BRAF: variants seen among roughly 807,000 people sequenced by gnomAD.
The protein encoded by BRAF is serine/threonine-protein kinase B-raf.
A neutral mutation model predicts 104.6 loss-of-function variants in BRAF; 16 were observed. That is an observed-to-expected ratio of 0.15 (90% CI 0.10 to 0.23). The LOEUF (loss-of-function observed/expected upper bound fraction) is 0.23, where lower values mean the gene tolerates loss of function less well. Among genes scored for constraint, BRAF ranks in the 10% least tolerant of loss-of-function variants. The probability of loss-of-function intolerance (pLI) is 1.00; values close to 1 mark genes in which losing one functional copy is unlikely to be tolerated. For synonymous variants in BRAF, 310 were observed against 341.6 expected (o/e 0.91, Z 1.02); for missense variants, 541 against 937.3 (o/e 0.58, Z 5.52).
chr7:140,752,133 C>T (rs1359860123), intron 16 of BRAF, among the ~76,000 whole-genome samples: 1 of 152,116 alleles, frequency 6.6e-6, no homozygotes, highest in Non-Finnish European at 1.5e-5. Flanking sequence ...TAACACAGAT[C>T]ATTCATTTTT....
Position 140,781,611 on chromosome 7 carries a change from C to A in BRAF, c.1517G>T (p.Gly506Val), listed in dbSNP as rs121913351. ...TCCCTTGTAGACTGTTCCAAATGAT[C>A]CAGATCCAATTCTTTGTCCCACTGT... ...QITVGQRIGS[G>V]SFGTVYKGKW... is the part of the protein sequence containing the mutation. Residue 506 changes from glycine (G) to valine (V), a missense_variant, in exon 12 of 20, where the codon GGA becomes GTA. Coordinates refer to ENST00000644969, the MANE Select transcript of BRAF (RefSeq NM_001374258.1). 1 of 1,614,062 alleles carries A rather than the reference C, an allele frequency of 6.2e-7. No individual in the cohort carries two copies.
chr7:140,779,255 C>G (rs926152402), intron 12 of BRAF, among the ~76,000 whole-genome samples: 5 of 152,060 alleles, frequency 3.3e-5, no homozygotes, highest in Admixed American at 6.6e-5. Context: ...TTTTTAGAGA[C>G]AGAGTCTTGC....
intron 14 of BRAF, among the ~76,000 whole-genome samples, chr7:140,760,129 C>T (rs1798550316): frequency 6.6e-6 from 1 of 152,016 alleles, no homozygotes; most frequent in Admixed American, 6.6e-5. Context: ...ACGCTGTTTC[C>T]TGGCTAGGCA....
chr7:140,777,903 T>C, intron 13 of BRAF, 88 bp downstream of exon 12: 3 of 1,255,548 alleles, frequency 2.4e-6, no homozygotes, highest in Non-Finnish European at 3.4e-6. Context: ...TGAGTAAATC[T>C]GTAAAGCTAA....
At chr7:140,869,678 C>T (rs1043548870) in intron 1 of BRAF, among the ~76,000 whole-genome samples, 5 of 151,846 alleles carry the variant, frequency 3.3e-5, no homozygotes, top group African/African-American at 4.8e-5. Flanking sequence ...GTCCAGATGG[C>T]AGGCATGATA....
At chr7:140,776,830 A>G in intron 14 of BRAF, 82 bp downstream of exon 13, 5 of 1,388,434 alleles carry the variant, frequency 3.6e-6, no homozygotes, top group Non-Finnish European at 4.1e-6. Flanking sequence ...ATGCAATCCA[A>G]AAGAATAGCA....
chr7:140,740,674 CA>C (rs2130905824), intron 17 of BRAF: 1 of 152,350 alleles, frequency 6.6e-6, no homozygotes, highest in East Asian at 1.9e-4. Context: ...ATAGGTGCAA[CA>C]GGGGGAGAGT....
At position 140,907,347 on chromosome 7, in the gene BRAF, C is replaced by T. The variant is rs553360031; in HGVS notation, c.138+17219G>A. ...TGCGATCTCAGCTCACTGCAAGCTC[C>T]ACCTCCCAGTTTCACGCCATTCTCC... On this transcript the variant is annotated intron_variant, in intron 1 of 19. Transcript: ENST00000644969. Among the ~76,000 whole-genome samples, 5 of 152,050 alleles carry T rather than the reference C, an allele frequency of 3.3e-5. No individual in the cohort carries two copies. In the East Asian group the frequency reaches 9.7e-4, roughly 30 times the overall value.
At chr7:140,786,848 G>C (rs1801410191) in intron 9 of BRAF, among the ~76,000 whole-genome samples, 1 of 152,140 alleles carries the variant, frequency 6.6e-6, no homozygotes, top group Admixed American at 6.5e-5. Flanking sequence ...ATCAACAATA[G>C]CTTTCAAGAT....
At chr7:140,798,123 GAA>G (rs1802675560) in intron 7 of BRAF, among the ~76,000 whole-genome samples, 2 of 152,116 alleles carry the variant, frequency 1.3e-5, no homozygotes, top group African/African-American at 2.4e-5. Context: ...AACTGATTTT[GAA>G]AAGATTTCTC....
intron 2 of BRAF, among the ~76,000 whole-genome samples, chr7:140,837,607 G>A (rs1807481964): frequency 6.6e-6 from 1 of 152,182 alleles, no homozygotes; most frequent in Non-Finnish European, 1.5e-5. Flanking sequence ...ACCACACACT[G>A]TTGGAGAAAA....
intron 3 of BRAF, among the ~76,000 whole-genome samples, chr7:140,816,741 T>C (rs957487772): frequency 6.6e-6 from 1 of 152,088 alleles, no homozygotes; most frequent in Admixed American, 6.6e-5. Context: ...TAAACCAAAA[T>C]AGATATGCTC....
Position 140,720,376 on chromosome 7 carries a change from A to G in BRAF, c.*6118T>C. ...GGCAGGAGAAGGGGACAGCACAGAG[A>G]CATACACCCCTGTATGTAAACTAAC... On this transcript the variant is annotated 3_prime_UTR_variant, in exon 20 of 20. Coordinates refer to ENST00000644969, the MANE Select transcript of BRAF (RefSeq NM_001374258.1). 9.4e-7 allele frequency: 1 copy of G among 1,062,654 alleles called. No individual in the cohort carries two copies. The highest frequency in any genetic ancestry group is 4.6e-5 in the South Asian group (1 of 21,960). 65.8% of individuals were successfully genotyped at this position (1,062,654 alleles called of 1,614,324 possible).
At chr7:140,902,029 C>G (rs1354741379) in intron 1 of BRAF, among the ~76,000 whole-genome samples, 1 of 152,204 alleles carries the variant, frequency 6.6e-6, no homozygotes, top group Non-Finnish European at 1.5e-5. Flanking sequence ...ATAAACTGTA[C>G]AGGCATGCTT....
At chr7:140,874,073 A>G (rs964894484) in intron 1 of BRAF, among the ~76,000 whole-genome samples, 2 of 152,228 alleles carry the variant, frequency 1.3e-5, no homozygotes, top group South Asian at 2.1e-4. Flanking sequence ...ATTTAGTCCA[A>G]CTATAAAACT....
chr7:140,839,023 C>G (rs114157709), intron 2 of BRAF, among the ~76,000 whole-genome samples: 1 of 151,968 alleles, frequency 6.6e-6, no homozygotes, highest in Non-Finnish European at 1.5e-5. Flanking sequence ...AGAAATAAAA[C>G]CTTACATTTA....
intron 1 of BRAF, among the ~76,000 whole-genome samples, chr7:140,893,436 A>T (rs1814502812): frequency 6.6e-6 from 1 of 152,006 alleles, no homozygotes; most frequent in Non-Finnish European, 1.5e-5. Flanking sequence ...TTTTCAGTGG[A>T]GACGGGGTTT....
At position 140,721,727 on chromosome 7, in the gene BRAF, T is replaced by A; in HGVS notation, c.*4767A>T. 1 of 1,516,432 alleles carries A rather than the reference T, an allele frequency of 6.6e-7. No homozygotes were observed. The highest frequency in any genetic ancestry group is 8.8e-7 in the Non-Finnish European group (1 of 1,138,904). The allele number at this position is 1,516,432 out of a possible 1,614,324, so 93.9% of individuals were successfully genotyped here. A position where few individuals can be genotyped will look rare whatever the true frequency, so the allele number is the denominator to read the frequency against. ...GATGTGCTGGAGACAATACATGGAC[T>A]TTCTCTTTCAATGGTGAGGAATGAA... On this transcript the variant is annotated 3_prime_UTR_variant, in exon 20 of 20. Transcript: ENST00000644969.
rs1795332412 is a variant in BRAF at position 140,721,679 on chromosome 7, C to G, written c.*4815G>C. ...TCAACTACCGATGGGCATCAGTAAT[C>G]CATCCCAGTATAACATTTCAAGGAT... On this transcript the variant is annotated 3_prime_UTR_variant, in exon 20 of 20. Transcript: ENST00000644969. 6.5e-7 allele frequency: 1 copy of G among 1,534,720 alleles called. No homozygotes were observed. The highest frequency in any genetic ancestry group is 2.5e-5 in the East Asian group (1 of 40,786).
Sources: gnomAD v4.1 joint callset for allele counts (sites outside exome capture counted in the v4.1 genomes callset) on GRCh38, gnomAD v4.1.1 for gene constraint, MANE v1.5 for transcripts, NCBI Gene and HGNC (gene_info 2026-07-23, HGNC 2026-07-21) for gene names.